The following CUX2 variants were observed in gnomAD, a reference collection of about 807,000 sequenced individuals.
CUX2 encodes the protein homeobox protein cut-like 2.
In CUX2, 40 loss-of-function variants were observed where a neutral mutation model predicts 144.8. That is an observed-to-expected ratio of 0.28 (90% CI 0.21 to 0.36). The LOEUF (loss-of-function observed/expected upper bound fraction) is 0.36. CUX2 is among the 10% of genes least tolerant of loss of function. The pLI, the probability that CUX2 is intolerant of heterozygous loss-of-function variation, is 1.00. For synonymous variants in CUX2, 827 were observed against 875.6 expected (o/e 0.94, Z 0.98); for missense variants, 1,615 against 1,994.0 (o/e 0.81, Z 3.62).
chr12:111,117,960 G>A (rs920540454), intron 1 of CUX2, among the ~76,000 whole-genome samples: 1 of 152,196 alleles, frequency 6.6e-6, no homozygotes, highest in Non-Finnish European at 1.5e-5. Flanking sequence ...CACACAGCCA[G>A]GAAGCAGCAA....
intron 3 of CUX2, among the ~76,000 whole-genome samples, chr12:111,229,555 C>T (rs994213623): frequency 6.6e-6 from 1 of 152,112 alleles, no homozygotes; most frequent in Non-Finnish European, 1.5e-5. Context: ...GTAACATCCA[C>T]CTTGTTTATC....
chr12:111,301,496 G>C (rs1408552410), intron 9 of CUX2, among the ~76,000 whole-genome samples: 2 of 152,014 alleles, frequency 1.3e-5, no homozygotes, highest in African/African-American at 2.4e-5. Context: ...ATCTCTGGAG[G>C]GGGAGGTAAG....
intron 1 of CUX2, among the ~76,000 whole-genome samples, chr12:111,117,371 G>A (rs1262903894): frequency 6.6e-6 from 1 of 152,172 alleles, no homozygotes; most frequent in Non-Finnish European, 1.5e-5. Context: ...CAGCTCTGAT[G>A]TGCCATTCAC....
chr12:111,309,753 C>G (rs1237660863), intron 14 of CUX2, among the ~76,000 whole-genome samples: 2 of 151,636 alleles, frequency 1.3e-5, no homozygotes, highest in Admixed American at 1.3e-4. Context: ...CTCTCTCTCT[C>G]TCTCTCATGT....
intron 4 of CUX2, among the ~76,000 whole-genome samples, chr12:111,267,274 G>A (rs1199461997): frequency 6.6e-6 from 1 of 151,584 alleles, no homozygotes; most frequent in African/African-American, 2.4e-5. Flanking sequence ...CCCCATCCCC[G>A]GCCCACAGAA....
At chr12:111,181,675 T>C (rs1006949683) in intron 1 of CUX2, among the ~76,000 whole-genome samples, 1 of 152,178 alleles carries the variant, frequency 6.6e-6, no homozygotes, top group Non-Finnish European at 1.5e-5. Context: ...TTGATGGAAT[T>C]CAAAGCCTCC....
intron 1 of CUX2, among the ~76,000 whole-genome samples, chr12:111,064,831 G>A (rs1243885089): frequency 6.6e-6 from 1 of 152,154 alleles, no homozygotes; most frequent in Non-Finnish European, 1.5e-5. Context: ...ACCTAATGTT[G>A]AGTGGCTTCA....
intron 3 of CUX2, among the ~76,000 whole-genome samples, chr12:111,250,129 G>A (rs1250540885): frequency 6.6e-6 from 1 of 152,040 alleles, no homozygotes; most frequent in Non-Finnish European, 1.5e-5. Flanking sequence ...CTCCTGGTGG[G>A]AGCCCACCCC....
intron 3 of CUX2, among the ~76,000 whole-genome samples, chr12:111,236,021 G>A (rs895349946): frequency 2.0e-5 from 3 of 152,116 alleles, no homozygotes; most frequent in East Asian, 1.9e-4. Flanking sequence ...TCTGCCTCTC[G>A]TCAGCCATAT....
chr12:111,275,319 A>T (rs1366711293), intron 4 of CUX2, among the ~76,000 whole-genome samples: 1 of 152,076 alleles, frequency 6.6e-6, no homozygotes. Flanking sequence ...TTGTATTTAA[A>T]CACTTTAGAT....
At chr12:111,248,840 C>T (rs987440535) in intron 3 of CUX2, among the ~76,000 whole-genome samples, 2 of 152,180 alleles carry the variant, frequency 1.3e-5, no homozygotes, top group South Asian at 2.1e-4. Context: ...CAATTTGGAA[C>T]TCTTCTGGTT....
intron 1 of CUX2, among the ~76,000 whole-genome samples, chr12:111,083,160 G>A (rs956482595): frequency 6.6e-6 from 1 of 152,030 alleles, no homozygotes; most frequent in South Asian, 2.1e-4. Context: ...TGGGGGTCAC[G>A]AGCGACCTCA....
chr12:111,156,985 C>CAAAAAAAAAAAAA (rs1200398908), intron 1 of CUX2, among the ~76,000 whole-genome samples: 5 of 18,986 alleles, frequency 2.6e-4, no homozygotes, highest in Admixed American at 6.4e-4. Context: ...AAACTTCTCT[C>CAAAAAAAAAAAAA]AAAAAAAAAA....
chr12:111,228,086 A>AT (rs1263906318), intron 3 of CUX2, among the ~76,000 whole-genome samples: 1 of 152,176 alleles, frequency 6.6e-6, no homozygotes, highest in African/African-American at 2.4e-5. Context: ...GCCCCACTAT[A>AT]TGCAGACCCT....
chr12:111,089,420 C>A (rs1872430540), intron 1 of CUX2, among the ~76,000 whole-genome samples: 2 of 152,170 alleles, frequency 1.3e-5, no homozygotes, highest in South Asian at 4.1e-4. Context: ...GCATCTGAAG[C>A]CTGTAATTTG....
At chr12:111,302,175 A>G (rs1886324247) in intron 9 of CUX2, among the ~76,000 whole-genome samples, 1 of 152,228 alleles carries the variant, frequency 6.6e-6, no homozygotes, top group African/African-American at 2.4e-5. Context: ...TGGGCATAGC[A>G]TCCTGATTGT....
intron 1 of CUX2, among the ~76,000 whole-genome samples, chr12:111,126,311 G>T (rs1488210853): frequency 2.0e-5 from 3 of 152,106 alleles, no homozygotes; most frequent in Non-Finnish European, 2.9e-5. Flanking sequence ...GTTTCACCAT[G>T]TTGGCCAGTC....
rs570080490 is a variant in CUX2, at chr12:111,331,484, G to A, written c.2927-2957G>A. On this transcript the variant is annotated intron_variant, in intron 18 of 21. Transcript: ENST00000261726. The stretch of plus-strand genomic sequence containing the variant: ...CCAACCCATTAGGGGTGCCTCCCTG[G>A]GGATGCTCCCACCTTTCCTGGTTTC... Among the ~76,000 whole-genome samples the A allele has an allele frequency of 4.6e-5, 7 of 152,148 alleles. No homozygotes were observed. In the East Asian group the frequency reaches 1.4e-3, roughly 29 times the overall value.
chr12:111,180,189 C>T (rs1447460331), intron 1 of CUX2, among the ~76,000 whole-genome samples: 3 of 149,246 alleles, frequency 2.0e-5, no homozygotes, highest in Non-Finnish European at 4.4e-5. Flanking sequence ...AAGGAGTCTT[C>T]GGGAACCCTC....
Sources: gnomAD v4.1 joint callset for allele counts (sites outside exome capture counted in the v4.1 genomes callset) on GRCh38, gnomAD v4.1.1 for gene constraint, MANE v1.5 for transcripts, NCBI Gene and HGNC (gene_info 2026-07-23, HGNC 2026-07-21) for gene names.